The following COL26A1 variants were observed in gnomAD, a reference collection of about 807,000 sequenced individuals.
COL26A1 encodes collagen type XXVI alpha 1 chain, also known as collagen alpha-1(XXVI) chain.
COL26A1 carries 41 observed loss-of-function variants against 59.3 expected under a neutral mutation model. The ratio of observed to expected loss-of-function variants is 0.69; its 90% confidence interval spans 0.54 to 0.90. The LOEUF is 0.90. COL26A1 is among the 40% of genes least tolerant of loss of function. The pLI is 0.00. For missense variants in COL26A1, 612 were observed against 602.3 expected (o/e 1.02, Z -0.17); for synonymous variants, 266 against 256.0 (o/e 1.04, Z -0.37).
At chr7:101,471,368 A>T (rs1258508671) in intron 3 of COL26A1, among the ~76,000 whole-genome samples, 1 of 152,098 alleles carries the variant, frequency 6.6e-6, no homozygotes, top group Non-Finnish European at 1.5e-5. Context: ...GACTCCCAAT[A>T]GTGGGTTCTT....
At chr7:101,554,169 C>T (rs1268521370) in intron 11 of COL26A1, among the ~76,000 whole-genome samples, 1 of 151,866 alleles carries the variant, frequency 6.6e-6, no homozygotes, top group African/African-American at 2.4e-5. Context: ...GGGGGTGCCA[C>T]TGAGATGGGG....
At chr7:101,553,730 C>G (rs758856352) in intron 11 of COL26A1, among the ~76,000 whole-genome samples, 1 of 152,180 alleles carries the variant, frequency 6.6e-6, no homozygotes, top group Non-Finnish European at 1.5e-5. Flanking sequence ...GGACCGGGTT[C>G]TCCCGTGAAT....
At chr7:101,533,643 T>C (rs1475685476) in intron 4 of COL26A1, among the ~76,000 whole-genome samples, 1 of 152,186 alleles carries the variant, frequency 6.6e-6, no homozygotes, top group Admixed American at 6.5e-5. Flanking sequence ...TACCTGGCAG[T>C]GACCCCAGGC....
chr7:101,489,795 T>G (rs1379639719), intron 3 of COL26A1, among the ~76,000 whole-genome samples: 344 of 2,150 alleles, frequency 0.16, 101 homozygotes, highest in African/African-American at 0.24. Flanking sequence ...TCTTTCTTTC[T>G]TTCTTTCTTT....
In COL26A1 at chr7:101,439,076, G is replaced by A. The variant is rs578099773; in HGVS notation, c.282-8608G>A. ...GCTCGCCCACCTTCAGCTCATTCCT[G>A]GAGTCTGGTGGTTTTGGCAGACAGA... is the stretch of plus-strand genomic sequence containing the variant. On this transcript the variant is annotated intron_variant, in intron 2 of 12. Coordinates refer to ENST00000313669, the MANE Select transcript of COL26A1 (RefSeq NM_001278563.3). Among the ~76,000 whole-genome samples the A allele has an allele frequency of 6.7e-4, 102 of 152,120 alleles. 1 individual carries two copies. Among genetic ancestry groups the A allele is most frequent in the Non-Finnish European group, 1.2e-3 (83 of 68,032 alleles).
intron 3 of COL26A1, among the ~76,000 whole-genome samples, chr7:101,485,652 G>A (rs1367033642): frequency 6.6e-6 from 1 of 152,168 alleles, no homozygotes. Flanking sequence ...CATCCCCAGT[G>A]CCCTGGACAG....
At chr7:101,407,915 G>A (rs538333488) in intron 1 of COL26A1, among the ~76,000 whole-genome samples, 1 of 152,264 alleles carries the variant, frequency 6.6e-6, no homozygotes, top group Admixed American at 6.5e-5. Context: ...CTGTTAATTT[G>A]CATACCATTA....
intron 4 of COL26A1, among the ~76,000 whole-genome samples, chr7:101,534,532 A>T (rs1795438134): frequency 1.3e-5 from 2 of 152,246 alleles, no homozygotes; most frequent in Middle Eastern, 6.8e-3. Flanking sequence ...ATGTGCACAC[A>T]GACACATGCA....
intron 3 of COL26A1, among the ~76,000 whole-genome samples, chr7:101,507,746 C>G (rs1794842150): frequency 6.6e-6 from 1 of 152,044 alleles, no homozygotes; most frequent in South Asian, 2.1e-4. Flanking sequence ...TCTCACCCAC[C>G]TATCAGAACT....
chr7:101,482,275 T>C (rs1480193412), intron 3 of COL26A1, among the ~76,000 whole-genome samples: 3 of 152,244 alleles, frequency 2.0e-5, no homozygotes, highest in Non-Finnish European at 2.9e-5. Context: ...CCCAAAGTGC[T>C]GGGATTAAAG....
At chr7:101,365,536 C>T (rs1481466863) in intron 1 of COL26A1, among the ~76,000 whole-genome samples, 1 of 152,106 alleles carries the variant, frequency 6.6e-6, no homozygotes, top group African/African-American at 2.4e-5. Flanking sequence ...AAGTGATTCT[C>T]CTGCCTCAGC....
chr7:101,475,655 G>T (rs181535642), intron 3 of COL26A1, among the ~76,000 whole-genome samples: 9 of 152,036 alleles, frequency 5.9e-5, no homozygotes, highest in African/African-American at 2.2e-4. Flanking sequence ...GTGTGTTTCC[G>T]TGTTGTTGTG....
At chr7:101,409,870 C>T (rs565388365) in intron 1 of COL26A1, among the ~76,000 whole-genome samples, 96 of 152,250 alleles carry the variant, frequency 6.3e-4, no homozygotes, top group African/African-American at 2.2e-3. Context: ...ATGCCATTCT[C>T]CTGTTTCAGC....
chr7:101,433,181 G>A (rs1019696636), intron 2 of COL26A1, among the ~76,000 whole-genome samples: 1 of 152,042 alleles, frequency 6.6e-6, no homozygotes, highest in African/African-American at 2.4e-5. Flanking sequence ...AAAATTAGTT[G>A]GGCATGGTGG....
chr7:101,515,752 G>A (rs1375071638), intron 3 of COL26A1, among the ~76,000 whole-genome samples: 4 of 151,468 alleles, frequency 2.6e-5, no homozygotes, highest in African/African-American at 9.7e-5. Context: ...CCACAACCAG[G>A]TAATTTTTGT....
At position 101,514,719 on chromosome 7, in the gene COL26A1, G is replaced by A. The variant is rs190802539; in HGVS notation, c.386-18363G>A. ...CCTGGGCCCAGCCTGCAGAACTGGC[G>A]GGCAGGAGAGAAGGAGAAAGGGGAT... On this transcript the variant is annotated intron_variant, in intron 3 of 12. Transcript: ENST00000313669. 6.6e-5 allele frequency among the ~76,000 whole-genome samples: 10 copies of A among 152,318 alleles called. No individual in the cohort carries two copies. In the East Asian group the frequency reaches 9.7e-4, roughly 15 times the overall value.
chr7:101,554,583 A>AAG (rs1795927444), intron 11 of COL26A1, among the ~76,000 whole-genome samples: 1 of 125,320 alleles, frequency 8.0e-6, no homozygotes, highest in Non-Finnish European at 1.7e-5. Context: ...AAAAAAAAAA[A>AAG]AAAAAAAGTA....
At chr7:101,435,857 G>A (rs945279718) in intron 2 of COL26A1, among the ~76,000 whole-genome samples, 2 of 152,180 alleles carry the variant, frequency 1.3e-5, no homozygotes, top group Non-Finnish European at 1.5e-5. Flanking sequence ...GAACTCTCCG[G>A]GGCTTCATCT....
intron 3 of COL26A1, among the ~76,000 whole-genome samples, chr7:101,463,799 C>T (rs1158207200): frequency 1.2e-4 from 13 of 105,006 alleles, no homozygotes; most frequent in South Asian, 7.4e-4. Context: ...CTTTCTTTCT[C>T]TCTCTCTTTC....
Sources: allele counts gnomAD v4.1 joint callset (sites outside exome capture counted in the v4.1 genomes callset), GRCh38; gene constraint gnomAD v4.1.1; transcripts MANE v1.5; gene names NCBI Gene and HGNC (gene_info 2026-07-23, HGNC 2026-07-21).